LRGUK: variants seen among roughly 807,000 people sequenced by gnomAD.
LRGUK encodes the protein leucine rich repeats and guanylate kinase domain containing.
Under a neutral mutation model 76.0 loss-of-function variants are expected in LRGUK, and 65 were observed. The observed-to-expected ratio is 0.85, with a 90% CI of 0.70 to 1.05. The LOEUF (loss-of-function observed/expected upper bound fraction) is 1.05, where lower values mean the gene tolerates loss of function less well. Ranked by LOEUF, LRGUK falls within the 50% of genes least tolerant of loss-of-function variation. The pLI is 0.00. For synonymous variants in LRGUK, 268 were observed against 265.6 expected, an observed-to-expected ratio of 1.01 and a Z score of -0.09; for missense variants, 758 against 732.8, an observed-to-expected ratio of 1.03 and a Z score of -0.40.
At chr7:134,141,260 A>T (rs1797754070) in intron 3 of LRGUK, among the ~76,000 whole-genome samples, 1 of 152,100 alleles carries the variant, frequency 6.6e-6, no homozygotes, top group African/African-American at 2.4e-5. Flanking sequence ...TGCAGGCCAA[A>T]CTTCAGACTG....
At chr7:134,153,621 A>G (rs1798325093) in intron 5 of LRGUK, among the ~76,000 whole-genome samples, 1 of 152,194 alleles carries the variant, frequency 6.6e-6, no homozygotes, top group African/African-American at 2.4e-5. Context: ...AGGGTCAACA[A>G]CTTGCCCCAG....
At chr7:134,183,679 A>C in intron 10 of LRGUK, 55 bp from the exon 11 acceptor site, 1 of 1,605,228 alleles carries the variant, frequency 6.2e-7, no homozygotes, top group East Asian at 2.2e-5. Flanking sequence ...GGATGTAGTT[A>C]ATGTGCTGTC....
chr7:134,191,647 G>T lies in LRGUK; in HGVS notation c.1335-8G>T. On this transcript the variant is annotated splice_polypyrimidine_tract_variant and splice_region_variant and intron_variant, in intron 11 of 15. Coordinates refer to ENST00000645682, the Ensembl canonical transcript of LRGUK. ...AAATGGACTAGGTGATCTGTTTTAT[G>T]ATTTCAGGGCCTGTCATACCACAAG... The T allele has an allele frequency of 6.3e-7, 1 of 1,590,540 alleles. No individual in the cohort carries two copies. The highest frequency in any genetic ancestry group is 1.3e-5 in the African/African-American group (1 of 74,466).
intron 16 of LRGUK, among the ~76,000 whole-genome samples, chr7:134,222,906 C>T (rs1490515582): frequency 6.6e-6 from 1 of 152,046 alleles, no homozygotes; most frequent in Non-Finnish European, 1.5e-5. Context: ...CCAAGGATAG[C>T]CTGTTCTAAA....
At chr7:134,254,207 G>A (rs1202643168) in intron 18 of LRGUK, among the ~76,000 whole-genome samples, 1 of 152,200 alleles carries the variant, frequency 6.6e-6, no homozygotes, top group Non-Finnish European at 1.5e-5. Context: ...GGTGCAAACA[G>A]AAAGATACTG....
rs548398640 is a variant in LRGUK at position 134,245,041 on chromosome 7, T to A, written c.1984-2515T>A. Among the ~76,000 whole-genome samples the A allele has an allele frequency of 1.0e-3, 23 of 22,748 alleles. No individual in the cohort carries two copies. In the South Asian group the frequency reaches 0.023, roughly 22 times the overall value. 14.9% of individuals were successfully genotyped at this position (22,748 alleles called of 152,430 possible). A position where few individuals can be genotyped will look rare whatever the true frequency, so the allele number is the denominator to read the frequency against. ...CACAGGGTGGGGAACATCACAGGGG[T>A]GGGGGGCAGGGGGAGGGATAGCATT... is the stretch of plus-strand genomic sequence containing the variant. On this transcript the variant is annotated intron_variant, in intron 16 of 19. Transcript: ENST00000285928.
Position 134,140,431 on chromosome 7 carries a change from C to T in LRGUK, c.487+914C>T, listed in dbSNP as rs187523238. Among the ~76,000 whole-genome samples, 9 of 152,232 alleles carry T rather than the reference C, an allele frequency of 5.9e-5. No individual in the cohort carries two copies. In the East Asian group the frequency reaches 1.2e-3, roughly 20 times the overall value. ...GTTTTATATAAGGTATTTGTTATGACACCTTGTTCACATTTAATGAAATTA... is the reference window on the plus strand; with the variant it reads ...GTTTTATATAAGGTATTTGTTATGATACCTTGTTCACATTTAATGAAATTA... On this transcript the variant is annotated intron_variant, in intron 3 of 15. Coordinates refer to ENST00000645682, the Ensembl canonical transcript of LRGUK.
downstream of LRGUK, among the ~76,000 whole-genome samples, chr7:134,211,608 G>GT (rs1319937349): frequency 6.6e-6 from 1 of 152,208 alleles, no homozygotes; most frequent in African/African-American, 2.4e-5. Context: ...TGCTTGAAAT[G>GT]TATTTCAAAA....
intron 12 of LRGUK, 74 bp from the exon 13 acceptor site, chr7:134,196,917 AT>A (rs1422973273): frequency 1.3e-6 from 1 of 770,492 alleles, no homozygotes; most frequent in Non-Finnish European, 2.2e-6. Flanking sequence ...AGAATAAGAC[AT>A]CAAATGATTT....
In LRGUK at chr7:134,220,601, G is replaced by A. The variant is rs556161626; in HGVS notation, c.1844-1178G>A. Among the ~76,000 whole-genome samples the A allele has an allele frequency of 7.5e-5, 11 of 146,372 alleles. No homozygotes were observed. In the East Asian group the frequency reaches 8.0e-4, roughly 11 times the overall value. On this transcript the variant is annotated intron_variant, in intron 15 of 19. Transcript: ENST00000285928. Reference sequence around the variant, plus strand: ...CTTCTTTTTTTTTTTTTCTTTTGTCGTTGTTGTTTTGAGGCAGGTCTCACT... The same window carrying A: ...CTTCTTTTTTTTTTTTTCTTTTGTCATTGTTGTTTTGAGGCAGGTCTCACT...
intron 1 of LRGUK, among the ~76,000 whole-genome samples, chr7:134,135,611 A>G (rs1294836372): frequency 6.6e-6 from 1 of 152,226 alleles, no homozygotes; most frequent in East Asian, 1.9e-4. Flanking sequence ...CACACATCCA[A>G]AATGGCAGGG....
intron 3 of LRGUK, among the ~76,000 whole-genome samples, chr7:134,140,754 C>T (rs554722132): frequency 6.6e-6 from 1 of 152,218 alleles, no homozygotes; most frequent in Admixed American, 6.5e-5. Flanking sequence ...AGCCCATTTT[C>T]ATTCTTAAAA....
Position 134,260,245 on chromosome 7 carries a change from C to T in LRGUK, c.2347+1840C>T, listed in dbSNP as rs190046622. ...TATAATATAATATATAATATTGAGC[C>T]AGATAAGATGAGTTTATGGTACAAG... On this transcript the variant is annotated intron_variant, in intron 19 of 19. Transcript: ENST00000285928. Among the ~76,000 whole-genome samples the T allele has an allele frequency of 2.0e-5, 3 of 151,750 alleles. No homozygotes were observed. In the East Asian group the frequency reaches 5.8e-4, roughly 29 times the overall value.
intron 4 of LRGUK, among the ~76,000 whole-genome samples, chr7:134,145,541 C>T (rs58535034): frequency 0.13 from 19,693 of 152,224 alleles, 1,607 homozygotes; most frequent in East Asian, 0.32. Flanking sequence ...GCTGCTGCGC[C>T]TGGCCTCAGG....
At chr7:134,178,044 G>A (rs1799555210) in intron 9 of LRGUK, among the ~76,000 whole-genome samples, 1 of 152,134 alleles carries the variant, frequency 6.6e-6, no homozygotes, top group African/African-American at 2.4e-5. Context: ...TTGAGATTGT[G>A]GGAATCATTC....
intron 15 of LRGUK, chr7:134,208,664 G>A (rs1342243370): frequency 1.0e-5 from 4 of 398,376 alleles, no homozygotes; most frequent in Non-Finnish European, 1.8e-5. Context: ...TAAGCAGTTA[G>A]TTAACTTCTG....
intron 1 of LRGUK, among the ~76,000 whole-genome samples, chr7:134,135,992 T>C (rs1797524013): frequency 6.6e-6 from 1 of 152,216 alleles, no homozygotes. Context: ...TACATGCGTA[T>C]GTCATCAGTA....
Position 134,199,940 on chromosome 7 carries a change from T to G in LRGUK, c.1747+519T>G, listed in dbSNP as rs571091387. Among the ~76,000 whole-genome samples, 133 of 137,792 alleles carry G rather than the reference T, an allele frequency of 9.7e-4. 1 individual carries two copies. The highest frequency in any genetic ancestry group is 1.5e-3 in the Non-Finnish European group (99 of 64,374). The allele number at this position is 137,792 out of a possible 152,430, so 90.4% of individuals were successfully genotyped here. On this transcript the variant is annotated intron_variant, in intron 14 of 15. Coordinates refer to ENST00000645682, the Ensembl canonical transcript of LRGUK. ...AATTTCTATATATATATGTACATATTTTTACACATATAAAATTTCTATAGA... is the reference window on the plus strand; with the variant it reads ...AATTTCTATATATATATGTACATATGTTTACACATATAAAATTTCTATAGA...
chr7:134,252,093 G>C (rs1802460961), intron 18 of LRGUK, among the ~76,000 whole-genome samples: 1 of 151,970 alleles, frequency 6.6e-6, no homozygotes, highest in South Asian at 2.1e-4. Context: ...CAGTACTTTG[G>C]GAAGGCAAGG....
Sources: gnomAD v4.1 joint callset for allele counts (sites outside exome capture counted in the v4.1 genomes callset) on GRCh38, gnomAD v4.1.1 for gene constraint, MANE v1.5 for transcripts, NCBI Gene and HGNC (gene_info 2026-07-23, HGNC 2026-07-21) for gene names.